The following MAPKBP1 variants were observed in gnomAD, a reference collection of about 807,000 sequenced individuals.
The protein encoded by MAPKBP1 is mitogen-activated protein kinase-binding protein 1.
A neutral mutation model predicts 170.5 loss-of-function variants in MAPKBP1; 71 were observed. That is an observed-to-expected ratio of 0.42 (90% CI 0.34 to 0.51). MAPKBP1 has a LOEUF of 0.51. Ranked by LOEUF, MAPKBP1 falls within the 20% of genes least tolerant of loss-of-function variation. MAPKBP1 has a pLI of 0.06. For synonymous variants in MAPKBP1, 719 were observed against 757.9 expected (o/e 0.95, Z 0.84); for missense variants, 1,598 against 1,933.0 (o/e 0.83, Z 3.25).
intron 3 of MAPKBP1, among the ~76,000 whole-genome samples, chr15:41,802,666 G>A (rs1003163797): frequency 4.6e-5 from 7 of 152,174 alleles, no homozygotes; most frequent in African/African-American, 1.7e-4. Context: ...TAGAGATGGG[G>A]TTTCGCCATG....
chr15:41,780,648 T>C (rs769776292), intron 2 of MAPKBP1, among the ~76,000 whole-genome samples: 18 of 152,220 alleles, frequency 1.2e-4, no homozygotes, highest in Non-Finnish European at 1.5e-4. Context: ...CCAGGTTTTC[T>C]GGCAGCTTCC....
At chr15:41,781,730 T>A (rs2064192512) in intron 2 of MAPKBP1, among the ~76,000 whole-genome samples, 1 of 152,180 alleles carries the variant, frequency 6.6e-6, no homozygotes, top group South Asian at 2.1e-4. Context: ...TGTGAAACCA[T>A]ATGGCTGATT....
intron 11 of MAPKBP1, 67 bp from the exon 12 acceptor site, chr15:41,815,557 T>G: frequency 6.4e-7 from 1 of 1,564,478 alleles, no homozygotes; most frequent in East Asian, 2.3e-5. Flanking sequence ...TTTGCTCAGC[T>G]TTCTTGCCCC....
Position 41,825,589 on chromosome 15 carries a change from G to T in MAPKBP1, c.*153G>T. On this transcript the variant is annotated 3_prime_UTR_variant, in exon 31 of 31. Coordinates refer to ENST00000457542, the MANE Select transcript of MAPKBP1 (RefSeq NM_014994.3). ...GCCTTCCCAGCCGCTCCTCGTGGGG[G>T]GCCTGTATTTATTAATTTATTTCCC... The T allele has an allele frequency of 1.7e-6, 1 of 599,058 alleles. No homozygotes were observed. The highest frequency in any genetic ancestry group is 3.1e-5 in the East Asian group (1 of 32,390). The allele number at this position is 599,058 out of a possible 1,614,324, so 37.1% of individuals were successfully genotyped here.
chr15:41,806,545 G>C (rs1462814398), intron 3 of MAPKBP1, among the ~76,000 whole-genome samples: 2 of 152,142 alleles, frequency 1.3e-5, no homozygotes, highest in Admixed American at 1.3e-4. Flanking sequence ...AGGGAAGGGG[G>C]ATGTTGAAGG....
At position 41,813,654 on chromosome 15, in the gene MAPKBP1, G is replaced by A. The variant is rs529791307; in HGVS notation, c.853G>A (p.Asp285Asn). 8.7e-6 allele frequency: 14 copies of A among 1,614,004 alleles called. No individual in the cohort carries two copies. Among genetic ancestry groups the A allele is most frequent in the Non-Finnish European group, 1.2e-5 (14 of 1,180,024 alleles). Residue 285 changes from aspartate (D) to asparagine (N), a missense_variant, in exon 9 of 31, where the codon GAC becomes AAC. By Grantham distance (23) the Asp-to-Asn change is conservative. Around this residue, in one of 6 missense-constraint regions of MAPKBP1, gnomAD observed 430 missense variants for 617.2 expected, o/e 0.70. Transcript: ENST00000457542. ...GGCCCACTGCATCTCTGTGAGCCAA[G>A]ACTACATCTTCTGTGGCTGTGCTGA... ...TVAHCISVSQ[D>N]YIFCGCADGT...
chr15:41,780,511 G>C (rs1169065775), intron 2 of MAPKBP1, among the ~76,000 whole-genome samples: 1 of 152,182 alleles, frequency 6.6e-6, no homozygotes, highest in Non-Finnish European at 1.5e-5. Context: ...TTCATGTTCA[G>C]ACTGCAGTGT....
chr15:41,777,114 G>A (rs1338757364), intron 2 of MAPKBP1, among the ~76,000 whole-genome samples: 4 of 152,064 alleles, frequency 2.6e-5, no homozygotes, highest in Admixed American at 1.3e-4. Context: ...AGGCCAAGGC[G>A]GATGGATCAC....
At chr15:41,802,173 A>G (rs1420963484) in intron 3 of MAPKBP1, among the ~76,000 whole-genome samples, 40 of 152,326 alleles carry the variant, frequency 2.6e-4, no homozygotes, top group Admixed American at 2.6e-3. Context: ...AATATATTTT[A>G]AAAAGGCACA....
intron 27 of MAPKBP1, 83 bp downstream of exon 27, chr15:41,822,760 G>C (rs530762322): frequency 1.3e-6 from 2 of 1,537,264 alleles, no homozygotes; most frequent in Admixed American, 1.7e-5. Flanking sequence ...CCAGTGTTCT[G>C]TCTCTCCATG....
chr15:41,819,547 C>CGGCGGGG, intron 21 of MAPKBP1, 48 bp from the exon 22 acceptor site: 1 of 1,228,202 alleles, frequency 8.1e-7, no homozygotes, highest in Non-Finnish European at 1.1e-6. Flanking sequence ...GGTTGGGTGG[C>CGGCGGGG]GGGGGGGGGG....
intron 2 of MAPKBP1, among the ~76,000 whole-genome samples, chr15:41,778,010 T>C (rs1312797958): frequency 6.6e-6 from 1 of 152,218 alleles, no homozygotes; most frequent in Non-Finnish European, 1.5e-5. Flanking sequence ...CAATTCTGTA[T>C]TTATCAGAGC....
chr15:41,809,051 G>A (rs1036080982), intron 3 of MAPKBP1, among the ~76,000 whole-genome samples: 5 of 140,020 alleles, frequency 3.6e-5, no homozygotes, highest in African/African-American at 1.4e-4. Flanking sequence ...TCCAGCCTGG[G>A]TGACAGAGCG....
intron 3 of MAPKBP1, among the ~76,000 whole-genome samples, chr15:41,806,201 A>G (rs577881982): frequency 4.3e-4 from 65 of 152,288 alleles, no homozygotes; most frequent in African/African-American, 1.5e-3. Flanking sequence ...TGTAAGTTAT[A>G]AGCGTGATTA....
chr15:41,809,158 G>C (rs1313681203), intron 3 of MAPKBP1, among the ~76,000 whole-genome samples: 1 of 152,042 alleles, frequency 6.6e-6, no homozygotes. Flanking sequence ...TGAGGCAGGA[G>C]GATTACTTGA....
In MAPKBP1 at chr15:41,819,552, G is replaced by A. The variant is rs770938243; in HGVS notation, c.2426-43G>A. The A allele has an allele frequency of 2.4e-5, 36 of 1,508,690 alleles. 1 individual carries two copies. In the East Asian group the frequency reaches 3.6e-4, roughly 15 times the overall value. 93.5% of individuals were successfully genotyped at this position (1,508,690 alleles called of 1,614,324 possible). On this transcript the variant is annotated intron_variant, in intron 21 of 30. Coordinates refer to ENST00000457542, the MANE Select transcript of MAPKBP1 (RefSeq NM_014994.3). Reference sequence around the variant, plus strand: ...AGGGCTCCAGGGTTGGGTGGCGGGGGGGGGGCAGGAGACACTTCCTCTGAC... The same window carrying A: ...AGGGCTCCAGGGTTGGGTGGCGGGGAGGGGGCAGGAGACACTTCCTCTGAC...
At chr15:41,804,429 C>T (rs1596080276) in intron 3 of MAPKBP1, among the ~76,000 whole-genome samples, 1 of 152,252 alleles carries the variant, frequency 6.6e-6, no homozygotes. Context: ...TGCAGCCTGC[C>T]TCAGGGGAAT....
Position 41,823,080 on chromosome 15 carries a change from C to T in MAPKBP1, c.3456C>T (p.Pro1152=). 2 of 1,613,780 alleles carry T rather than the reference C, an allele frequency of 1.2e-6. No individual in the cohort carries two copies. The highest frequency in any genetic ancestry group is 1.1e-5 in the South Asian group (1 of 91,084). ...PPEVEPSSGN[P]SPQQAASVLL... ...AGGTGGAACCGTCCTCTGGCAACCCCAGCCCCCAGCAGGCAGCCTCTGTGC... is the reference window on the plus strand; with the variant it reads ...AGGTGGAACCGTCCTCTGGCAACCCTAGCCCCCAGCAGGCAGCCTCTGTGC... Residue 1152 remains proline (P), a synonymous_variant, in exon 28 of 31, where the codon CCC becomes CCT. Transcript: ENST00000457542.
At chr15:41,799,758 C>A in intron 2 of MAPKBP1, 65 bp from the exon 3 acceptor site, 2 of 1,359,970 alleles carry the variant, frequency 1.5e-6, no homozygotes, top group South Asian at 1.2e-5. Flanking sequence ...GTCCCAAGTA[C>A]CTTCAGCACC....
Sources: gnomAD v4.1 joint callset for allele counts (sites outside exome capture counted in the v4.1 genomes callset) on GRCh38, gnomAD v4.1.1 for gene constraint, gnomAD v4.1.1 regional missense constraint, MANE v1.5 for transcripts, NCBI Gene and HGNC (gene_info 2026-07-23, HGNC 2026-07-21) for gene names.